The following KAZN variants were observed in gnomAD, a reference collection of about 807,000 sequenced individuals.
KAZN encodes the protein kazrin, periplakin interacting protein, also known as kazrin.
Under a neutral mutation model 87.4 loss-of-function variants are expected in KAZN, and 40 were observed. That is an observed-to-expected ratio of 0.46 (90% CI 0.36 to 0.60). KAZN has a LOEUF of 0.60. KAZN is among the 20% of genes least tolerant of loss of function. The pLI, the probability that KAZN is intolerant of heterozygous loss-of-function variation, is 0.00. For missense variants in KAZN, 898 were observed against 1,073.9 expected (o/e 0.84, Z 2.29); for synonymous variants, 466 against 458.3 (o/e 1.02, Z -0.22).
chr1:14,845,261 G>T (rs1422945170), intron 1 of KAZN, among the ~76,000 whole-genome samples: 1 of 150,498 alleles, frequency 6.6e-6, no homozygotes, highest in Non-Finnish European at 1.5e-5. Flanking sequence ...GTGGATGGTT[G>T]GGTGGATGGA....
intron 1 of KAZN, among the ~76,000 whole-genome samples, chr1:14,168,029 CCACA>C (rs1469584396): frequency 6.6e-6 from 1 of 152,170 alleles, no homozygotes; most frequent in East Asian, 1.9e-4. Context: ...GCAGTTAACA[CCACA>C]CAATCTTCTG....
At chr1:14,770,585 G>A (rs900973558) in intron 1 of KAZN, among the ~76,000 whole-genome samples, 2 of 152,102 alleles carry the variant, frequency 1.3e-5, no homozygotes, top group African/African-American at 4.8e-5. Context: ...CTTCCCCAGG[G>A]CCATACACCA....
rs552303994 is a variant in KAZN at position 14,614,573 on chromosome 1, C to T, written c.226+15350C>T. 5.3e-5 allele frequency among the ~76,000 whole-genome samples: 8 copies of T among 152,348 alleles called. No individual in the cohort carries two copies. In the East Asian group the frequency reaches 5.8e-4, roughly 11 times the overall value. ...CTGGGCCTGCTGGCAAAGCACCTCC[C>T]GCGCTGGGTTTAGATGTTCAGGAGA... On this transcript the variant is annotated intron_variant, in intron 1 of 14. Coordinates refer to ENST00000376030, the MANE Select transcript of KAZN (RefSeq NM_201628.3).
intron 2 of KAZN, among the ~76,000 whole-genome samples, chr1:14,440,366 T>C (rs1372732031): frequency 6.6e-6 from 1 of 152,152 alleles, no homozygotes; most frequent in Non-Finnish European, 1.5e-5. Context: ...TGGAGAGACT[T>C]TGGCAGAAAT....
intron 1 of KAZN, among the ~76,000 whole-genome samples, chr1:14,624,449 C>A (rs1678956002): frequency 6.7e-6 from 1 of 148,922 alleles, no homozygotes; most frequent in Non-Finnish European, 1.5e-5. Flanking sequence ...ACAAAAAAAA[C>A]CACTAACTAT....
chr1:14,486,901 G>A lies in KAZN; in HGVS notation c.250-112082G>A, dbSNP rs1004488599. 7.2e-5 allele frequency among the ~76,000 whole-genome samples: 11 copies of A among 152,270 alleles called. 1 individual carries two copies. The South Asian group carries it at 8.3e-4, about 12-fold the overall frequency. On this transcript the variant is annotated intron_variant, in intron 2 of 16. Transcript: ENST00000636203. ...TCCTTGGTAGCTCCCTGTAAATTAC[G>A]GGTTCTGTCTTTTTATCTGAAGCAA...
intron 2 of KAZN, among the ~76,000 whole-genome samples, chr1:14,338,165 C>T (rs1405238215): frequency 6.6e-6 from 1 of 151,908 alleles, no homozygotes; most frequent in African/African-American, 2.4e-5. Flanking sequence ...TGACATTGAC[C>T]CCCTTCTGGT....
At chr1:14,987,816 T>C (rs914018526) in intron 2 of KAZN, among the ~76,000 whole-genome samples, 9 of 152,218 alleles carry the variant, frequency 5.9e-5, no homozygotes, top group African/African-American at 2.2e-4. Context: ...AGCTGCTGCA[T>C]TGAGAATAGA....
chr1:14,682,913 T>C (rs1024850046), intron 1 of KAZN, among the ~76,000 whole-genome samples: 1 of 152,168 alleles, frequency 6.6e-6, no homozygotes, highest in African/African-American at 2.4e-5. Flanking sequence ...TTTGAACTGG[T>C]TTCCCAGGAA....
intron 1 of KAZN, among the ~76,000 whole-genome samples, chr1:13,980,703 C>T (rs957948463): frequency 6.6e-6 from 1 of 152,052 alleles, no homozygotes; most frequent in Non-Finnish European, 1.5e-5. Flanking sequence ...TCTCTGTAAT[C>T]GATACACCAA....
chr1:14,934,601 G>A (rs148120000), intron 1 of KAZN, among the ~76,000 whole-genome samples: 2 of 152,362 alleles, frequency 1.3e-5, no homozygotes, highest in Non-Finnish European at 2.9e-5. Flanking sequence ...AGACGCTGTA[G>A]TGTAGGGAGA....
chr1:15,055,899 A>G (rs1181274210), intron 4 of KAZN, among the ~76,000 whole-genome samples, 192 bp from the exon 5 acceptor site: 1 of 152,170 alleles, frequency 6.6e-6, no homozygotes, highest in African/African-American at 2.4e-5. Context: ...TCTAATGGGG[A>G]GAACAACAGT....
intron 1 of KAZN, among the ~76,000 whole-genome samples, chr1:14,892,761 T>C (rs1033356091): frequency 2.0e-5 from 3 of 152,154 alleles, no homozygotes; most frequent in African/African-American, 4.8e-5. Flanking sequence ...GCCACGGGGC[T>C]GTGGGGGCCT....
intron 2 of KAZN, among the ~76,000 whole-genome samples, chr1:14,308,464 G>A (rs972557862): frequency 1.3e-5 from 2 of 152,138 alleles, no homozygotes; most frequent in East Asian, 1.9e-4. Flanking sequence ...AAAAACAGGT[G>A]GATCTGGGTA....
At chr1:14,546,471 A>G (rs1673153142) in intron 2 of KAZN, among the ~76,000 whole-genome samples, 1 of 151,968 alleles carries the variant, frequency 6.6e-6, no homozygotes, top group African/African-American at 2.4e-5. Flanking sequence ...GAGAGGTGCC[A>G]GAAGAAGAGA....
chr1:14,871,443 CTG>C (rs1408807980), intron 1 of KAZN, among the ~76,000 whole-genome samples: 4 of 152,024 alleles, frequency 2.6e-5, no homozygotes, highest in Non-Finnish European at 4.4e-5. Flanking sequence ...GAATGGGAAA[CTG>C]GGGAAAAGTG....
intron 2 of KAZN, among the ~76,000 whole-genome samples, chr1:14,479,972 T>C (rs1668978667): frequency 6.6e-6 from 1 of 152,178 alleles, no homozygotes; most frequent in Non-Finnish European, 1.5e-5. Context: ...ATAAACTCAA[T>C]CAACAAGCAT....
At chr1:14,871,055 T>C (rs1407632791) in intron 1 of KAZN, among the ~76,000 whole-genome samples, 1 of 152,144 alleles carries the variant, frequency 6.6e-6, no homozygotes, top group South Asian at 2.1e-4. Flanking sequence ...GCCCACCTGA[T>C]CTCCAAGAGG....
chr1:14,110,578 G>GTCTTGATTCCAATAAGTGATGTCCTGGC (rs1309726257), intron 1 of KAZN, among the ~76,000 whole-genome samples: 2 of 139,348 alleles, frequency 1.4e-5, no homozygotes, highest in African/African-American at 5.5e-5. Flanking sequence ...CTCTTAGGAG[G>GTCTTGATTCCAATAAGTGATGTCCTGGC]TTTTATTTGC....
Sources: allele counts gnomAD v4.1 joint callset (sites outside exome capture counted in the v4.1 genomes callset), GRCh38; gene constraint gnomAD v4.1.1; transcripts MANE v1.5; gene names NCBI Gene and HGNC (gene_info 2026-07-23, HGNC 2026-07-21).